The following POU2AF2 variants were observed in gnomAD, a reference collection of about 807,000 sequenced individuals.
The protein encoded by POU2AF2 is POU class 2 homeobox associating factor 2, also known as POU domain class 2-associating factor 2.
At chr11:111,260,134 G>A in the POU2AF2 span, among the ~76,000 whole-genome samples, 1 of 152,138 alleles carries the variant, frequency 6.6e-6, no homozygotes, top group African/African-American at 2.4e-5. Context: ...GACACTGTGG[G>A]GCTCTGATTT....
the POU2AF2 span, among the ~76,000 whole-genome samples, chr11:111,270,947 AC>A: frequency 1.3e-5 from 2 of 152,064 alleles, no homozygotes; most frequent in East Asian, 3.9e-4. Flanking sequence ...CCATACACTC[AC>A]CCCACCAGTC....
At chr11:111,267,068 T>TAGA in the POU2AF2 span, among the ~76,000 whole-genome samples, 1 of 152,190 alleles carries the variant, frequency 6.6e-6, no homozygotes, top group Non-Finnish European at 1.5e-5. Context: ...AGTGTGCCTG[T>TAGA]AGACTGTTCA....
At chr11:111,259,206 G>A in the POU2AF2 span, among the ~76,000 whole-genome samples, 1 of 151,704 alleles carries the variant, frequency 6.6e-6, no homozygotes, top group Non-Finnish European at 1.5e-5. Flanking sequence ...GATATTTACA[G>A]TTTCCCAGTT....
At chr11:111,260,855 T>C in the POU2AF2 span, among the ~76,000 whole-genome samples, 6 of 152,240 alleles carry the variant, frequency 3.9e-5, no homozygotes, top group African/African-American at 9.6e-5. Flanking sequence ...CCCCGCCGGA[T>C]AGGCATACTT....
the POU2AF2 span, chr11:111,286,041 G>C: frequency 6.2e-7 from 1 of 1,611,412 alleles, no homozygotes; most frequent in Non-Finnish European, 8.5e-7. Context: ...TATGAATGCC[G>C]CAGAGCTTAT....
chr11:111,246,897 A>C, the POU2AF2 span, among the ~76,000 whole-genome samples: 3 of 152,186 alleles, frequency 2.0e-5, no homozygotes, highest in African/African-American at 4.8e-5. Context: ...CTTATGTTGT[A>C]CATTATATCT....
At chr11:111,258,331 G>A in the POU2AF2 span, among the ~76,000 whole-genome samples, 1 of 152,098 alleles carries the variant, frequency 6.6e-6, no homozygotes, top group African/African-American at 2.4e-5. Context: ...AATTGGAAAG[G>A]CAAGAGTTGC....
the POU2AF2 span, among the ~76,000 whole-genome samples, chr11:111,267,497 T>A: frequency 3.5e-4 from 53 of 152,326 alleles, no homozygotes; most frequent in Middle Eastern, 3.4e-3. Context: ...TGAAGCTTAC[T>A]CCCCTGGCAT....
At chr11:111,256,171 T>C in the POU2AF2 span, 1 of 398,222 alleles carries the variant, frequency 2.5e-6, no homozygotes, top group Non-Finnish European at 4.4e-6. Flanking sequence ...AATCACCTAC[T>C]TCCTGGGTCT....
At chr11:111,245,877 A>G in the POU2AF2 span, 1 of 398,926 alleles carries the variant, frequency 2.5e-6, no homozygotes. Context: ...AGTCAACATC[A>G]ATTATTATAA....
At chr11:111,273,599 A>G in the POU2AF2 span, among the ~76,000 whole-genome samples, 1 of 152,358 alleles carries the variant, frequency 6.6e-6, no homozygotes, top group East Asian at 1.9e-4. Context: ...TGAATTAAGA[A>G]ATAAAATTAT....
chr11:111,267,691 T>C, the POU2AF2 span, among the ~76,000 whole-genome samples: 1 of 152,194 alleles, frequency 6.6e-6, no homozygotes, highest in East Asian at 1.9e-4. Context: ...ACCAGATCAA[T>C]TGACCTGCTG....
the POU2AF2 span, among the ~76,000 whole-genome samples, chr11:111,263,424 G>A: frequency 1.7e-5 from 2 of 120,898 alleles, no homozygotes; most frequent in Non-Finnish European, 1.8e-5. Context: ...GTTTACTGAA[G>A]TTCTTTTTTT....
the POU2AF2 span, chr11:111,285,947 T>A: frequency 6.2e-7 from 1 of 1,613,864 alleles, no homozygotes; most frequent in South Asian, 1.1e-5. Flanking sequence ...GGGGCCACTC[T>A]CCCCAGATGA....
chr11:111,282,202 T>C, the POU2AF2 span, among the ~76,000 whole-genome samples: 1 of 152,346 alleles, frequency 6.6e-6, no homozygotes, highest in East Asian at 1.9e-4. Flanking sequence ...GAGGCTTTTT[T>C]CTTCGTGGTT....
the POU2AF2 span, among the ~76,000 whole-genome samples, chr11:111,257,674 G>A: frequency 1.5e-4 from 23 of 151,976 alleles, no homozygotes; most frequent in African/African-American, 2.2e-4. Context: ...GCGCCCAGCC[G>A]TTATCCTTTC....
chr11:111,276,449 A>ATATATAT, the POU2AF2 span, among the ~76,000 whole-genome samples: 23 of 49,722 alleles, frequency 4.6e-4, no homozygotes, highest in African/African-American at 1.6e-3. Flanking sequence ...GAAAAAAAAA[A>ATATATAT]AAAAATATAT....
chr11:111,282,883 G>A, the POU2AF2 span, among the ~76,000 whole-genome samples: 1 of 152,114 alleles, frequency 6.6e-6, no homozygotes, highest in East Asian at 1.9e-4. Flanking sequence ...TCAAGTCTAT[G>A]CCCTCAAACA....
the POU2AF2 span, chr11:111,285,771 G>A: frequency 2.5e-6 from 4 of 1,612,766 alleles, no homozygotes; most frequent in Non-Finnish European, 3.4e-6. Context: ...GAGTCCGGGA[G>A]CATCGCCCAG....
Sources: allele counts gnomAD v4.1 joint callset (sites outside exome capture counted in the v4.1 genomes callset), GRCh38; gene constraint gnomAD v4.1.1; transcripts MANE v1.5; gene names NCBI Gene and HGNC (gene_info 2026-07-23, HGNC 2026-07-21).